EIF4G3: variants seen among roughly 807,000 people sequenced by gnomAD.
EIF4G3 encodes the protein eIF-4-gamma 3.
A neutral mutation model predicts 186.4 loss-of-function variants in EIF4G3; 34 were observed. That is an observed-to-expected ratio of 0.18 (90% CI 0.14 to 0.24). The LOEUF is 0.24. Ranked by LOEUF, EIF4G3 falls within the 10% of genes least tolerant of loss-of-function variation. The pLI is 1.00. For synonymous variants in EIF4G3, 673 were observed against 679.5 expected (o/e 0.99, Z 0.15); for missense variants, 1,536 against 1,948.5 (o/e 0.79, Z 3.99).
chr1:20,923,007 TGAA>T (rs2154560124), intron 14 of EIF4G3, among the ~76,000 whole-genome samples: 1 of 152,282 alleles, frequency 6.6e-6, no homozygotes, highest in South Asian at 2.1e-4. Context: ...ATGAGGAAAC[TGAA>T]GAACAGAGAG....
chr1:21,131,647 A>G (rs1448171878), intron 2 of EIF4G3, among the ~76,000 whole-genome samples: 3 of 152,214 alleles, frequency 2.0e-5, no homozygotes, highest in Admixed American at 1.3e-4. Flanking sequence ...AGACCTTGTG[A>G]GAAGCAATAC....
chr1:21,108,129 T>C (rs1161167632), intron 2 of EIF4G3, among the ~76,000 whole-genome samples: 1 of 152,080 alleles, frequency 6.6e-6, no homozygotes, highest in Non-Finnish European at 1.5e-5. Context: ...CTGGGCACTC[T>C]AACCACTGCA....
intron 12 of EIF4G3, among the ~76,000 whole-genome samples, chr1:20,965,238 C>T (rs1444837275): frequency 6.6e-6 from 1 of 152,146 alleles, no homozygotes; most frequent in Non-Finnish European, 1.5e-5. Flanking sequence ...TGACCACCTG[C>T]CAAAAGCAAA....
At chr1:21,003,685 C>CT in intron 4 of EIF4G3, 2 of 353,952 alleles carry the variant, frequency 5.7e-6, no homozygotes, top group South Asian at 4.9e-5. Context: ...TTTTCTAGAT[C>CT]TTTGAGTTGC....
intron 12 of EIF4G3, among the ~76,000 whole-genome samples, chr1:20,958,376 T>A (rs1019091072): frequency 2.0e-5 from 3 of 151,892 alleles, no homozygotes; most frequent in African/African-American, 7.2e-5. Context: ...CTCAACCAAG[T>A]AGGCAAAAAA....
In EIF4G3 at chr1:21,050,850, A is replaced by C. The variant is rs1453181847; in HGVS notation, c.-67+16T>G. 2.9e-6 allele frequency: 2 copies of C among 689,768 alleles called. No homozygotes were observed. Among genetic ancestry groups the C allele is most frequent in the African/African-American group, 3.6e-5 (2 of 55,156 alleles). The allele number at this position is 689,768 out of a possible 1,614,324, so 42.7% of individuals were successfully genotyped here. A position where few individuals can be genotyped will look rare whatever the true frequency, so the allele number is the denominator to read the frequency against. ...ACAGGGACATTTCTTATTTTTTTAAAAAAGGTTTATCTTACTTGAGAGAGT... is the reference window on the plus strand; with the variant it reads ...ACAGGGACATTTCTTATTTTTTTAACAAAGGTTTATCTTACTTGAGAGAGT... On this transcript the variant is annotated intron_variant, in intron 4 of 36. Transcript: ENST00000602326.
chr1:21,075,064 A>G (rs1255050287), intron 3 of EIF4G3, among the ~76,000 whole-genome samples: 1 of 152,220 alleles, frequency 6.6e-6, no homozygotes, highest in Admixed American at 6.5e-5. Context: ...GAAAACCAAC[A>G]AACTGAAATA....
At chr1:20,975,529 A>G (rs1174942268) in intron 10 of EIF4G3, among the ~76,000 whole-genome samples, 1 of 151,614 alleles carries the variant, frequency 6.6e-6, no homozygotes, top group Admixed American at 6.6e-5. Context: ...CAATTAGCAA[A>G]ACATTAAGTC....
chr1:20,911,939 A>G (rs770946953), intron 14 of EIF4G3, among the ~76,000 whole-genome samples: 3 of 152,078 alleles, frequency 2.0e-5, no homozygotes, highest in Non-Finnish European at 4.4e-5. Context: ...TTAAAAAAAT[A>G]AAATAAAAAT....
At chr1:20,910,460 C>G (rs1188493389) in intron 14 of EIF4G3, among the ~76,000 whole-genome samples, 2 of 151,746 alleles carry the variant, frequency 1.3e-5, no homozygotes, top group Non-Finnish European at 2.9e-5. Flanking sequence ...GGCAGGCCCC[C>G]GTAATCCCAG....
At chr1:20,880,853 G>T (rs1197596589) in intron 19 of EIF4G3, among the ~76,000 whole-genome samples, 2 of 152,194 alleles carry the variant, frequency 1.3e-5, no homozygotes, top group African/African-American at 4.8e-5. Flanking sequence ...TCTTGTATTA[G>T]AAGATTCATT....
At chr1:21,062,746 C>T (rs753560186) in intron 3 of EIF4G3, among the ~76,000 whole-genome samples, 37 of 152,118 alleles carry the variant, frequency 2.4e-4, no homozygotes, top group Non-Finnish European at 1.6e-4. Context: ...CGTGCCACCA[C>T]GCCTGGCTAA....
chr1:20,939,632 G>T (rs1190367115), intron 14 of EIF4G3, among the ~76,000 whole-genome samples: 1 of 152,088 alleles, frequency 6.6e-6, no homozygotes, highest in African/African-American at 2.4e-5. Context: ...GGTATGGTTT[G>T]TATCTTCAAC....
intron 14 of EIF4G3, among the ~76,000 whole-genome samples, chr1:20,939,116 T>TAAAA (rs3051247): frequency 1.5e-4 from 19 of 129,706 alleles, no homozygotes; most frequent in South Asian, 2.5e-4. Context: ...TAAAAAAAAT[T>TAAAA]AAAAAAAAAA....
intron 4 of EIF4G3, among the ~76,000 whole-genome samples, chr1:21,037,931 G>A (rs2093332070): frequency 6.6e-6 from 1 of 152,150 alleles, no homozygotes; most frequent in Admixed American, 6.6e-5. Flanking sequence ...CTCATCCCAA[G>A]CAATTAAATG....
chr1:20,865,160 C>T lies in EIF4G3; in HGVS notation c.2725G>A (p.Asp909Asn). ...TCTTTCTGCTTCTTCTCAAAGACAT[C>T]ATCATCTGCTTTATCTTTTTCAAAC... ...KEFEKDKADD[D>N]VFEKKQKELE... is the part of the protein sequence containing the mutation. Residue 909 changes from aspartate (D) to asparagine (N), a missense_variant, in exon 21 of 37, where the codon GAT becomes AAT. This residue lies in a region of EIF4G3 where 77 missense variants were observed against 131.6 expected (regional missense o/e 0.59). Coordinates refer to ENST00000602326, the MANE Select transcript of EIF4G3 (RefSeq NM_001391906.1). The T allele has an allele frequency of 6.2e-7, 1 of 1,614,106 alleles. No homozygotes were observed. Among genetic ancestry groups the T allele is most frequent in the Non-Finnish European group, 8.5e-7 (1 of 1,179,984 alleles).
intron 18 of EIF4G3, chr1:20,892,763 C>T: frequency 5.8e-6 from 8 of 1,386,984 alleles, no homozygotes; most frequent in African/African-American, 1.4e-5. Context: ...TGATCATTAG[C>T]TGAATGTCAT....
intron 15 of EIF4G3, among the ~76,000 whole-genome samples, chr1:20,902,166 C>T (rs2090537536): frequency 6.6e-6 from 1 of 151,498 alleles, no homozygotes; most frequent in African/African-American, 2.4e-5. Context: ...CAGGTTCAAG[C>T]GATTCTCCTG....
At chr1:21,065,196 A>C (rs1571979189) in intron 3 of EIF4G3, among the ~76,000 whole-genome samples, 1 of 152,160 alleles carries the variant, frequency 6.6e-6, no homozygotes. Context: ...TTATATTATC[A>C]AAACCACAAT....
Sources: gnomAD v4.1 joint callset for allele counts (sites outside exome capture counted in the v4.1 genomes callset) on GRCh38, gnomAD v4.1.1 for gene constraint, gnomAD v4.1.1 regional missense constraint, MANE v1.5 for transcripts, NCBI Gene and HGNC (gene_info 2026-07-23, HGNC 2026-07-21) for gene names.